Variants in PCDHA2 observed in about 807,000 individuals in gnomAD.
PCDHA2 encodes protocadherin alpha-2.
Under a neutral mutation model 66.0 loss-of-function variants are expected in PCDHA2, and 58 were observed. The ratio of observed to expected loss-of-function variants is 0.88; its 90% CI spans 0.71 to 1.09. PCDHA2 has a LOEUF of 1.09. Ranked by LOEUF, PCDHA2 falls within the 50% of genes least tolerant of loss-of-function variation. The probability of loss-of-function intolerance (pLI) is 0.00; values close to 1 mark genes in which losing one functional copy is unlikely to be tolerated. For missense variants in PCDHA2, 1,267 were observed against 1,242.3 expected (o/e 1.02, Z -0.30); for synonymous variants, 634 against 554.0 (o/e 1.14, Z -2.03).
At chr5:140,969,091 G>A (rs1554231442) in intron 1 of PCDHA2, 3 of 1,614,152 alleles carry the variant, frequency 1.9e-6, no homozygotes, top group Admixed American at 1.7e-5. Context: ...TCAAAGTGCA[G>A]CCTCACTTCA....
At chr5:140,842,168 A>G (rs2150330845) in intron 1 of PCDHA2, 2 of 1,613,900 alleles carry the variant, frequency 1.2e-6, no homozygotes, top group Non-Finnish European at 1.7e-6. Context: ...TTCTTTTAAT[A>G]GCCTTGTTGA....
intron 1 of PCDHA2, chr5:140,883,919 C>T (rs1554180590): frequency 1.2e-6 from 2 of 1,613,316 alleles, no homozygotes; most frequent in Non-Finnish European, 8.5e-7. Flanking sequence ...CAACGTGACG[C>T]TGCAGGTGTT....
At chr5:140,912,864 T>C (rs1483499385) in intron 1 of PCDHA2, among the ~76,000 whole-genome samples, 1 of 152,212 alleles carries the variant, frequency 6.6e-6, no homozygotes, top group East Asian at 1.9e-4. Context: ...TGAAATGATA[T>C]ATGGTTTTTG....
At chr5:140,850,796 C>T (rs1344673921) in intron 1 of PCDHA2, 7 of 1,598,190 alleles carry the variant, frequency 4.4e-6, no homozygotes, top group African/African-American at 1.3e-5. Context: ...AGCAGAAGAC[C>T]GACCTCATGG....
intron 1 of PCDHA2, chr5:140,822,738 C>T (rs2150118963): frequency 1.2e-6 from 2 of 1,613,298 alleles, no homozygotes; most frequent in Non-Finnish European, 8.5e-7. Flanking sequence ...ATATTGATGC[C>T]ATGGATAAAA....
chr5:140,870,825 C>A (rs1554164734), intron 1 of PCDHA2: 6 of 1,613,726 alleles, frequency 3.7e-6, no homozygotes, highest in East Asian at 2.2e-5. Flanking sequence ...GCGCGGGAGG[C>A]GCAGTTAACA....
At chr5:140,840,780 T>G (rs1429191969) in intron 1 of PCDHA2, among the ~76,000 whole-genome samples, 1 of 152,072 alleles carries the variant, frequency 6.6e-6, no homozygotes, top group Admixed American at 6.5e-5. Flanking sequence ...AAAGTTAGAA[T>G]TATATGCTCA....
chr5:140,842,903 C>A lies in PCDHA2; in HGVS notation c.2388+45551C>A. The A allele has an allele frequency of 2.5e-6, 4 of 1,594,400 alleles. 1 individual carries two copies. The South Asian group carries it at 4.4e-5, about 18-fold the overall frequency. On this transcript the variant is annotated intron_variant, in intron 1 of 3. Transcript: ENST00000526136. Reference sequence around the variant, plus strand: ...GCTGCAGCCGCTGGACCACGAGGAGCTAGAGCTGCTGCAGTTCCAGGTGAG... The same window carrying A: ...GCTGCAGCCGCTGGACCACGAGGAGATAGAGCTGCTGCAGTTCCAGGTGAG...
intron 1 of PCDHA2, chr5:140,801,197 A>G: frequency 3.8e-6 from 6 of 1,590,674 alleles, no homozygotes; most frequent in Non-Finnish European, 4.3e-6. Flanking sequence ...AAATACTTGC[A>G]ATGTTGTTCT....
At chr5:140,891,855 C>T (rs1282802499) in intron 1 of PCDHA2, among the ~76,000 whole-genome samples, 1 of 152,156 alleles carries the variant, frequency 6.6e-6, no homozygotes, top group Admixed American at 6.6e-5. Flanking sequence ...GAGCCTGTCC[C>T]TCTCTTATGC....
chr5:140,896,008 T>C (rs1231092307), intron 1 of PCDHA2, among the ~76,000 whole-genome samples: 4 of 152,082 alleles, frequency 2.6e-5, no homozygotes, highest in Non-Finnish European at 4.4e-5. Flanking sequence ...ACAGGGTTTC[T>C]CCATGTTGGC....
intron 1 of PCDHA2, among the ~76,000 whole-genome samples, chr5:140,879,038 AAGAT>A (rs2057824267): frequency 6.6e-6 from 1 of 152,380 alleles, no homozygotes; most frequent in Admixed American, 6.5e-5. Flanking sequence ...AGTGTCTTGA[AAGAT>A]AGACAACATT....
At chr5:140,869,217 G>T in intron 1 of PCDHA2, 4 of 1,613,842 alleles carry the variant, frequency 2.5e-6, no homozygotes, top group South Asian at 2.2e-5. Flanking sequence ...TCTCGGAGGA[G>T]GCCAAACACG....
intron 1 of PCDHA2, among the ~76,000 whole-genome samples, chr5:140,954,197 G>T (rs2153701837): frequency 6.6e-6 from 1 of 152,270 alleles, no homozygotes; most frequent in Non-Finnish European, 1.5e-5. Context: ...ATGGGCATTT[G>T]GGTTGATCCC....
At chr5:140,954,453 A>G (rs1489783264) in intron 1 of PCDHA2, among the ~76,000 whole-genome samples, 1 of 152,142 alleles carries the variant, frequency 6.6e-6, no homozygotes, top group East Asian at 1.9e-4. Flanking sequence ...ACTTGTTAAT[A>G]ATTGCCATTC....
At chr5:140,858,045 T>A (rs2150410176) in intron 1 of PCDHA2, 2 of 1,597,338 alleles carry the variant, frequency 1.3e-6, no homozygotes, top group Non-Finnish European at 1.7e-6. Flanking sequence ...ACTGTGCTTG[T>A]GTCGCTTGTG....
chr5:140,883,090 T>A (rs550322124), intron 1 of PCDHA2: 1 of 1,614,020 alleles, frequency 6.2e-7, no homozygotes, highest in East Asian at 2.2e-5. Flanking sequence ...ATGGTACAAA[T>A]GGAGATATAG....
At chr5:140,882,228 T>C in intron 1 of PCDHA2, 8 of 1,564,682 alleles carry the variant, frequency 5.1e-6, no homozygotes, top group Non-Finnish European at 6.9e-6. Flanking sequence ...GGTAAGGCGT[T>C]GTATATATTG....
Position 140,850,689 on chromosome 5 carries a change from T to G in PCDHA2, c.2388+53337T>G, listed in dbSNP as rs1554144776. On this transcript the variant is annotated intron_variant, in intron 1 of 3. Coordinates refer to ENST00000526136, the MANE Select transcript of PCDHA2 (RefSeq NM_018905.3). ...CTCGGCGATGCCCACCGAGGGCGAG[T>G]GCGCGCCTGGCAAGCCGACGCTGGT... The G allele has an allele frequency of 2.5e-6, 4 of 1,594,816 alleles. No individual in the cohort carries two copies. In the South Asian group the frequency reaches 3.3e-5, roughly 13 times the overall value.
Sources: allele counts gnomAD v4.1 joint callset (sites outside exome capture counted in the v4.1 genomes callset), GRCh38; gene constraint gnomAD v4.1.1; transcripts MANE v1.5; gene names NCBI Gene and HGNC (gene_info 2026-07-23, HGNC 2026-07-21).